The following COL12A1 variants were observed in gnomAD, a reference collection of about 807,000 sequenced individuals.
COL12A1 encodes collagen type XII alpha 1 chain.
A neutral mutation model predicts 349.7 loss-of-function variants in COL12A1; 114 were observed. The observed-to-expected ratio is 0.33, with a 90% CI of 0.28 to 0.38. The LOEUF is 0.38. Among genes scored for constraint, COL12A1 ranks in the 10% least tolerant of loss-of-function variants. The probability of loss-of-function intolerance (pLI) is 1.00; values close to 1 mark genes in which losing one functional copy is unlikely to be tolerated. For synonymous variants in COL12A1, 1,369 were observed against 1,329.0 expected, an observed-to-expected ratio of 1.03 and a Z score of -0.66; for missense variants, 3,284 against 3,756.9, an observed-to-expected ratio of 0.87 and a Z score of 3.29.
At chr6:75,094,947 T>G (rs116793648) in intron 60 of COL12A1, among the ~76,000 whole-genome samples, 161 bp downstream of exon 60, 15 of 152,224 alleles carry the variant, frequency 9.9e-5, no homozygotes, top group Admixed American at 9.2e-4. Context: ...AGAAAAATTT[T>G]GAACTAGTAC....
chr6:75,152,032 C>G lies in COL12A1; in HGVS notation c.3836-1G>C. 6.2e-7 allele frequency: 1 copy of G among 1,613,766 alleles called. No homozygotes were observed. The highest frequency in any genetic ancestry group is 8.5e-7 in the Non-Finnish European group (1 of 1,179,788). ...TGGCGAATGAAATTCAAAGCCATGC[C>G]TAGTGGGATTTTTAAAAGAGAATCA... is the stretch of plus-strand genomic sequence containing the variant. On this transcript the variant is annotated splice_acceptor_variant, in intron 19 of 65. Transcript: ENST00000322507. LOFTEE classifies it high-confidence loss of function.
At chr6:75,148,808 G>A (rs1326636010) in intron 21 of COL12A1, among the ~76,000 whole-genome samples, 1 of 152,096 alleles carries the variant, frequency 6.6e-6, no homozygotes, top group African/African-American at 2.4e-5. Flanking sequence ...GACCCGATAT[G>A]GTTTTGCTGT....
At chr6:75,136,896 C>A (rs891424236) in intron 31 of COL12A1, among the ~76,000 whole-genome samples, 4 of 152,010 alleles carry the variant, frequency 2.6e-5, no homozygotes, top group African/African-American at 9.7e-5. Flanking sequence ...CGAGTCCTAC[C>A]ATCTTTCTTG....
intron 38 of COL12A1, 32 bp from the exon 39 acceptor site, chr6:75,126,502 CT>C: frequency 6.3e-7 from 1 of 1,594,462 alleles, no homozygotes; most frequent in Non-Finnish European, 8.6e-7. Flanking sequence ...CATTACTGAC[CT>C]TTTATTGGCA....
chr6:75,130,978 C>A lies in COL12A1; in HGVS notation c.5941G>T (p.Val1981Leu), dbSNP rs1406150470. Residue 1981 changes from valine (V) to leucine (L), a missense_variant, in exon 36 of 66, where the codon GTA becomes TTA. Physicochemically the swap from Val to Leu is conservative, Grantham distance 32. Coordinates refer to ENST00000322507, the MANE Select transcript of COL12A1 (RefSeq NM_004370.6). The stretch of plus-strand genomic sequence containing the variant: ...ACCATGCGCGTGTTTCCTGGCACTA[C>A]TATCTGCAGGAGAGGAAATGCCAAA... The part of the protein sequence containing the change: ...VDGTRPSESI[V>L]VPGNTRMVHL... 1 of 1,614,134 alleles carries A rather than the reference C, an allele frequency of 6.2e-7. No homozygotes were observed. Among genetic ancestry groups the A allele is most frequent in the Non-Finnish European group, 8.5e-7 (1 of 1,180,002 alleles).
chr6:75,138,850 G>A lies in COL12A1; in HGVS notation c.5069C>T (p.Ala1690Val), dbSNP rs763883662. The A allele has an allele frequency of 1.7e-5, 28 of 1,613,940 alleles. No individual in the cohort carries two copies. In the Admixed American group the frequency reaches 3.3e-4, roughly 19 times the overall value. ...CATCTTATCTGAGCTTCCAAAAGGT[G>A]CCCAAGTTATTCTGTAGAGAGACAC... is the stretch of plus-strand genomic sequence containing the variant. ...SDVSLYRITW[A>V]PFGSSDKMET... Residue 1690 changes from alanine (A) to valine (V), a missense_variant, in exon 28 of 66, where the codon GCA (alanine) becomes GTA (valine). Physicochemically the swap from Ala to Val is moderately conservative, Grantham distance 64 (BLOSUM62 0). Transcript: ENST00000322507.
rs1049592759 is a variant in COL12A1, at chr6:75,188,420, G to A, written c.939C>T (p.Ile313=). The part of the protein sequence containing the change: ...DAIVDIQNEI[I]SQVCSGVDEQ... ...CATCAACACCTGAGCACACCTGGGA[G>A]ATGATCTCATTCTGAATATCCACAA... Residue 313 remains isoleucine (I), a synonymous_variant, in exon 8 of 66, where the codon ATC becomes ATT. Transcript: ENST00000322507. 5 of 1,613,520 alleles carry A rather than the reference G, an allele frequency of 3.1e-6. No homozygotes were observed. The highest frequency in any genetic ancestry group is 1.6e-4 in the Middle Eastern group (1 of 6,076).
At chr6:75,134,998 C>T (rs922468358) in intron 31 of COL12A1, 143 bp from the exon 32 acceptor site, 2 of 712,404 alleles carry the variant, frequency 2.8e-6, no homozygotes, top group Non-Finnish European at 4.2e-6. Context: ...GTTTAACATA[C>T]ACCTTGTGGT....
intron 53 of COL12A1, among the ~76,000 whole-genome samples, chr6:75,105,890 C>T (rs1490988843): frequency 6.6e-6 from 1 of 152,078 alleles, no homozygotes; most frequent in Non-Finnish European, 1.5e-5. Context: ...AATAGGTGCT[C>T]AATAAATATT....
In COL12A1 at chr6:75,164,840, CA is replaced by C. The variant is rs141997276; in HGVS notation, c.2983+666del. The stretch of plus-strand genomic sequence containing the variant: ...ATGATAGGTAATTCATAATTATTTA[CA>C]AAAAAAAAATATCAGTAAGAGTGAG... On this transcript the variant is annotated intron_variant, in intron 14 of 65. Transcript: ENST00000322507. Among the ~76,000 whole-genome samples, 327 of 144,808 alleles carry C rather than the reference CA, an allele frequency of 2.3e-3. 2 individuals are homozygous for C. Among genetic ancestry groups the C allele is most frequent in the Non-Finnish European group, 3.9e-3 (256 of 65,526 alleles). 95.0% of individuals were successfully genotyped at this position (144,808 alleles called of 152,430 possible). A position where few individuals can be genotyped will look rare whatever the true frequency, so the allele number is the denominator to read the frequency against.
intron 27 of COL12A1, among the ~76,000 whole-genome samples, chr6:75,139,757 T>A (rs1766800987): frequency 6.6e-6 from 1 of 152,166 alleles, no homozygotes; most frequent in Admixed American, 6.6e-5. Flanking sequence ...CTGACCCTGT[T>A]CAGAGAACTG....
At chr6:75,160,743 A>G (rs1055796870) in intron 14 of COL12A1, among the ~76,000 whole-genome samples, 2 of 152,172 alleles carry the variant, frequency 1.3e-5, no homozygotes, top group Admixed American at 6.5e-5. Context: ...CTAATACAGT[A>G]AGCCCTCACC....
rs555785666 is a variant in COL12A1 at position 75,090,027 on chromosome 6, C to T, written c.8941+83G>A. ...AGGGAAAGCAGTTTGCCTAGGTCAC[C>T]TTTCAGATGCCTTCAACCTGTCCCA... On this transcript the variant is annotated intron_variant, in intron 63 of 65. Transcript: ENST00000322507. The surrounding 1 kb of genome is among the most constrained non-coding windows in gnomAD (Gnocchi z 4.1). 3.8e-5 allele frequency: 57 copies of T among 1,490,460 alleles called. No homozygotes were observed. The African/African-American group carries it at 7.5e-4, about 20-fold the overall frequency. 92.3% of individuals were successfully genotyped at this position (1,490,460 alleles called of 1,614,324 possible).
In COL12A1 at chr6:75,177,678, C is replaced by T. The variant is rs772493333; in HGVS notation, c.2422G>A (p.Ala808Thr). 5 of 1,613,976 alleles carry T rather than the reference C, an allele frequency of 3.1e-6. No individual in the cohort carries two copies. The highest frequency in any genetic ancestry group is 2.7e-5 in the African/African-American group (2 of 74,908). The change falls in exon 12 of 66, where the codon GCA becomes ACA. Residue 808 changes from alanine to threonine, a missense_variant. Transcript: ENST00000322507. The stretch of plus-strand genomic sequence containing the variant: ...TTTCCTCTACCTTCTTCAGTGGCTG[C>T]ATTTCCAGTTAATGGAGTACCAGGT... Reference protein sequence around the residue: ...SGPGTPLTGNAATEEVRGNPR... With the variant: ...SGPGTPLTGNTATEEVRGNPR...
Position 75,133,607 on chromosome 6 carries a change from A to G in COL12A1, c.5665-185T>C, listed in dbSNP as rs879927342. 7.2e-5 allele frequency among the ~76,000 whole-genome samples: 11 copies of G among 152,194 alleles called. No individual in the cohort carries two copies. In the East Asian group the frequency reaches 1.6e-3, roughly 21 times the overall value. On this transcript the variant is annotated intron_variant, in intron 33 of 65. Coordinates refer to ENST00000322507, the MANE Select transcript of COL12A1 (RefSeq NM_004370.6). Reference sequence around the variant, plus strand: ...CATATTTCCCTATACCCCTCCAGCCATCCAATACTCCCCACTTAGAACTTC... The same window carrying G: ...CATATTTCCCTATACCCCTCCAGCCGTCCAATACTCCCCACTTAGAACTTC...
At chr6:75,138,123 C>G (rs571714640) in intron 30 of COL12A1, among the ~76,000 whole-genome samples, 197 bp downstream of exon 30, 14 of 152,108 alleles carry the variant, frequency 9.2e-5, no homozygotes, top group Admixed American at 7.9e-4. Flanking sequence ...TATGGCACCC[C>G]AAGCTGATCA....
chr6:75,089,804 G>A (rs1057362354), intron 63 of COL12A1, among the ~76,000 whole-genome samples: 9 of 152,160 alleles, frequency 5.9e-5, no homozygotes, highest in African/African-American at 1.7e-4. Context: ...GACTCTTGCC[G>A]CAGTCACAGA....
Position 75,085,005 on chromosome 6 carries a change from A to G in COL12A1, c.*1542T>C, listed in dbSNP as rs1767409742. The G allele has an allele frequency of 6.4e-6, 2 of 314,692 alleles. No individual in the cohort carries two copies. The highest frequency in any genetic ancestry group is 2.7e-5 in the South Asian group (1 of 37,376). The allele number at this position is 314,692 out of a possible 1,614,324, so 19.5% of individuals were successfully genotyped here. A position where few individuals can be genotyped will look rare whatever the true frequency, so the allele number is the denominator to read the frequency against. On this transcript the variant is annotated 3_prime_UTR_variant, in exon 66 of 66. Coordinates refer to ENST00000322507, the MANE Select transcript of COL12A1 (RefSeq NM_004370.6). ...TTCAAGGGCAAAGGCAAAAATGTCT[A>G]CAGACTGCGTGCTTGGAGCTAGGCT...
chr6:75,200,239 C>T (rs1247331681), intron 2 of COL12A1, among the ~76,000 whole-genome samples: 4 of 152,114 alleles, frequency 2.6e-5, no homozygotes, highest in African/African-American at 7.2e-5. Flanking sequence ...CTGTGCTGTC[C>T]GACACGGAAG....
Sources: gnomAD v4.1 joint callset for allele counts (sites outside exome capture counted in the v4.1 genomes callset) on GRCh38, gnomAD v4.1.1 for gene constraint, Gnocchi (gnomAD v3.1) non-coding constraint, MANE v1.5 for transcripts, NCBI Gene and HGNC (gene_info 2026-07-23, HGNC 2026-07-21) for gene names.